SUMF1: variants seen among roughly 807,000 people sequenced by gnomAD.
SUMF1 encodes formylglycine-generating enzyme.
Under a neutral mutation model 47.6 loss-of-function variants are expected in SUMF1, and 48 were observed. That is an observed-to-expected ratio of 1.01 (90% CI 0.80 to 1.28). The LOEUF is 1.28. Among genes scored for constraint, SUMF1 ranks in the 50% most tolerant of loss-of-function variants. The probability of loss-of-function intolerance (pLI) is 0.00; values close to 1 mark genes in which losing one functional copy is unlikely to be tolerated. For synonymous variants in SUMF1, 230 were observed against 192.1 expected (o/e 1.20, Z -1.63); for missense variants, 571 against 485.4 (o/e 1.18, Z -1.66).
chr3:4,099,897 A>C (rs567983747), intron 8 of SUMF1, among the ~76,000 whole-genome samples: 1 of 151,264 alleles, frequency 6.6e-6, no homozygotes, highest in South Asian at 2.1e-4. Context: ...TAAACTAAGG[A>C]AAAAAAAGAT....
rs190540891 is a variant in SUMF1 at position 4,303,654 on chromosome 3, G to T, written c.1014+72676C>A. 10,109 of 1,439,830 alleles carry T rather than the reference G, an allele frequency of 7.0e-3. 53 individuals are homozygous for T. Among genetic ancestry groups the T allele is most frequent in the Non-Finnish European group, 8.3e-3 (9,099 of 1,097,284 alleles). The allele number at this position is 1,439,830 out of a possible 1,614,324, so 89.2% of individuals were successfully genotyped here. A position where few individuals can be genotyped will look rare whatever the true frequency, so the allele number is the denominator to read the frequency against. ...CTTCTCTTACAGCGCACCCGTTGGT[G>T]CGCGGGAATAGGTGTGCATGCCCCG... On this transcript the variant is annotated intron_variant and NMD_transcript_variant, in intron 8 of 12. Coordinates refer to the SUMF1 transcript ENST00000448413.
At chr3:4,306,202 T>G (rs1178425483) in intron 8 of SUMF1, among the ~76,000 whole-genome samples, 3 of 152,206 alleles carry the variant, frequency 2.0e-5, no homozygotes, top group African/African-American at 7.2e-5. Flanking sequence ...AGTCATATTT[T>G]TCTTTGCCAT....
chr3:4,355,753 G>T (rs1406313538), intron 8 of SUMF1, among the ~76,000 whole-genome samples: 2 of 152,138 alleles, frequency 1.3e-5, no homozygotes, highest in African/African-American at 4.8e-5. Flanking sequence ...ACCCAAGGGC[G>T]GGAGAGCAAT....
At chr3:4,271,142 C>T (rs1387586364) in intron 8 of SUMF1, among the ~76,000 whole-genome samples, 1 of 152,124 alleles carries the variant, frequency 6.6e-6, no homozygotes, top group African/African-American at 2.4e-5. Context: ...TAATACCCAC[C>T]ACCAATCACA....
intron 8 of SUMF1, among the ~76,000 whole-genome samples, chr3:4,253,415 C>G (rs6778600): frequency 0.36 from 55,016 of 152,024 alleles, 10,814 homozygotes; most frequent in Non-Finnish European, 0.45. Flanking sequence ...GCACCGTGCA[C>G]GAGCGGAAGC....
intron 9 of SUMF1, among the ~76,000 whole-genome samples, chr3:4,044,832 T>C (rs2125019650): frequency 6.6e-6 from 1 of 152,356 alleles, no homozygotes; most frequent in South Asian, 2.1e-4. Context: ...TTTGGAATAT[T>C]GCATCATTTA....
intron 8 of SUMF1, among the ~76,000 whole-genome samples, chr3:4,243,223 T>G (rs56370845): frequency 0.033 from 5,054 of 152,282 alleles, 307 homozygotes; most frequent in African/African-American, 0.12. Context: ...GCTCCTGGAT[T>G]CATTGATTTT....
Position 4,045,508 on chromosome 3 carries a change from T to C in SUMF1, c.1191+23061A>G, listed in dbSNP as rs1232015116. Among the ~76,000 whole-genome samples the C allele has an allele frequency of 2.6e-5, 4 of 151,766 alleles. No homozygotes were observed. In the East Asian group the frequency reaches 5.8e-4, roughly 22 times the overall value. ...CTGCAGCAGTGCTATAAGAATAAAATGAGATTGTATATATAAAAATTATTT... is the reference window on the plus strand; with the variant it reads ...CTGCAGCAGTGCTATAAGAATAAAACGAGATTGTATATATAAAAATTATTT... On this transcript the variant is annotated intron_variant and NMD_transcript_variant, in intron 9 of 12. Coordinates refer to the SUMF1 transcript ENST00000448413.
intron 8 of SUMF1, among the ~76,000 whole-genome samples, chr3:4,204,558 A>G (rs1030848294): frequency 6.6e-6 from 1 of 152,114 alleles, no homozygotes; most frequent in African/African-American, 2.4e-5. Flanking sequence ...ATCTCTTTGA[A>G]TAAATTTTAT....
intron 8 of SUMF1, among the ~76,000 whole-genome samples, chr3:4,231,774 G>A (rs1004646064): frequency 4.6e-5 from 7 of 152,104 alleles, no homozygotes; most frequent in African/African-American, 1.7e-4. Flanking sequence ...TCTTGGCAAT[G>A]GGAGGTAAAT....
intron 3 of SUMF1, among the ~76,000 whole-genome samples, chr3:4,443,961 T>C (rs1200563137): frequency 1.3e-5 from 2 of 151,984 alleles, no homozygotes; most frequent in East Asian, 1.9e-4. Flanking sequence ...AACTAGATAT[T>C]GAAAGCTTCT....
chr3:4,146,021 C>A (rs1247886955), intron 8 of SUMF1, among the ~76,000 whole-genome samples: 1 of 152,110 alleles, frequency 6.6e-6, no homozygotes, highest in African/African-American at 2.4e-5. Flanking sequence ...TCGACTTGGT[C>A]TCACTGTGAA....
At chr3:4,396,830 C>A (rs1372452935) in intron 7 of SUMF1, among the ~76,000 whole-genome samples, 2 of 152,162 alleles carry the variant, frequency 1.3e-5, no homozygotes, top group African/African-American at 4.8e-5. Flanking sequence ...ATGATTAATT[C>A]TCTGACCTAT....
At chr3:4,133,883 G>T (rs1215511238) in intron 8 of SUMF1, among the ~76,000 whole-genome samples, 1 of 152,042 alleles carries the variant, frequency 6.6e-6, no homozygotes, top group African/African-American at 2.4e-5. Flanking sequence ...TAAAGTGGGG[G>T]CATTGACTGG....
At chr3:4,402,426 T>C (rs1701241653) in intron 7 of SUMF1, among the ~76,000 whole-genome samples, 1 of 152,232 alleles carries the variant, frequency 6.6e-6, no homozygotes, top group South Asian at 2.1e-4. Context: ...TCTTGATTCA[T>C]CTGATTGGCA....
downstream of SUMF1, among the ~76,000 whole-genome samples, chr3:4,359,353 C>T (rs1477282628): frequency 6.6e-6 from 1 of 152,174 alleles, no homozygotes; most frequent in African/African-American, 2.4e-5. Context: ...TCATAGTTCA[C>T]TGCAGCCTTG....
intron 7 of SUMF1, among the ~76,000 whole-genome samples, chr3:4,378,170 C>G (rs1055570807): frequency 6.6e-6 from 1 of 152,190 alleles, no homozygotes; most frequent in Admixed American, 6.5e-5. Flanking sequence ...ACAGCTTAGC[C>G]TAGCCTACCT....
At chr3:4,064,517 C>T (rs1368841994) in intron 9 of SUMF1, among the ~76,000 whole-genome samples, 1 of 152,084 alleles carries the variant, frequency 6.6e-6, no homozygotes, top group Admixed American at 6.6e-5. Context: ...GTTGAGCCAC[C>T]CATACTCTGC....
chr3:4,052,236 C>G (rs1459272487), intron 9 of SUMF1, among the ~76,000 whole-genome samples: 2 of 152,110 alleles, frequency 1.3e-5, no homozygotes, highest in Non-Finnish European at 2.9e-5. Context: ...TCTTTGGTCT[C>G]TTTTACAAGA....
Sources: allele counts gnomAD v4.1 joint callset (sites outside exome capture counted in the v4.1 genomes callset), GRCh38; gene constraint gnomAD v4.1.1; transcripts MANE v1.5; gene names NCBI Gene and HGNC (gene_info 2026-07-23, HGNC 2026-07-21).